The following RPS6KC1 variants were observed in gnomAD, a reference collection of about 807,000 sequenced individuals.
RPS6KC1 encodes inactive ribosomal protein S6 kinase delta-1.
Under a neutral mutation model 103.8 loss-of-function variants are expected in RPS6KC1, and 54 were observed. The ratio of observed to expected loss-of-function variants is 0.52; its 90% CI spans 0.42 to 0.65. RPS6KC1 has a LOEUF of 0.65. Among genes scored for constraint, RPS6KC1 ranks in the 30% least tolerant of loss-of-function variants. RPS6KC1 has a pLI of 0.00. For synonymous variants in RPS6KC1, 439 were observed against 438.7 expected (o/e 1.00, Z -0.01); for missense variants, 1,151 against 1,253.8 (o/e 0.92, Z 1.24).
chr1:213,540,766 A>G, the RPS6KC1 span, among the ~76,000 whole-genome samples: 8 of 152,268 alleles, frequency 5.3e-5, no homozygotes, highest in African/African-American at 1.7e-4. Context: ...CCACAGTAGA[A>G]CTTCTGTCAA....
chr1:213,669,921 T>C, the RPS6KC1 span, among the ~76,000 whole-genome samples: 1 of 152,168 alleles, frequency 6.6e-6, no homozygotes, highest in Non-Finnish European at 1.5e-5. Flanking sequence ...GGCCCTCCCC[T>C]GGAATGCCTG....
At chr1:213,186,840 C>T (rs1205359736) in intron 8 of RPS6KC1, among the ~76,000 whole-genome samples, 1 of 152,120 alleles carries the variant, frequency 6.6e-6, no homozygotes. Context: ...CTGCTTCATT[C>T]ATCTGCTTTG....
At chr1:213,679,693 A>G in the RPS6KC1 span, among the ~76,000 whole-genome samples, 1 of 152,230 alleles carries the variant, frequency 6.6e-6, no homozygotes, top group African/African-American at 2.4e-5. Flanking sequence ...TCAGGCTTGA[A>G]TCCAAGGCCT....
intron 7 of RPS6KC1, among the ~76,000 whole-genome samples, chr1:213,169,574 T>C (rs1359281397): frequency 1.3e-5 from 2 of 152,158 alleles, no homozygotes; most frequent in East Asian, 3.8e-4. Context: ...TTAAGTGGAA[T>C]ATTTATGTAA....
chr1:213,499,814 G>A, the RPS6KC1 span, among the ~76,000 whole-genome samples: 1 of 152,176 alleles, frequency 6.6e-6, no homozygotes, highest in African/African-American at 2.4e-5. Context: ...AAAAGTGTAG[G>A]CAGTTGTAAC....
At chr1:213,606,633 G>A in the RPS6KC1 span, among the ~76,000 whole-genome samples, 1 of 152,172 alleles carries the variant, frequency 6.6e-6, no homozygotes, top group Admixed American at 6.5e-5. Context: ...TAAGTTTCAA[G>A]GCAACGAGCC....
chr1:213,284,620 A>G, the RPS6KC1 span, among the ~76,000 whole-genome samples: 3 of 105,932 alleles, frequency 2.8e-5, no homozygotes, highest in Non-Finnish European at 5.7e-5. Context: ...TTGAAAAGAA[A>G]GTGCCAGATA....
the RPS6KC1 span, among the ~76,000 whole-genome samples, chr1:213,281,411 C>T: frequency 6.6e-6 from 1 of 152,248 alleles, no homozygotes; most frequent in African/African-American, 2.4e-5. Context: ...GGCCATGCCT[C>T]CACCTAATGT....
At chr1:213,444,744 C>CA in the RPS6KC1 span, among the ~76,000 whole-genome samples, 46,474 of 87,314 alleles carry the variant, frequency 0.53, 12,198 homozygotes, top group Admixed American at 0.6. Flanking sequence ...AACTCCAACT[C>CA]AAAAAAAAAA....
At chr1:213,173,591 T>G (rs2091646538) in intron 7 of RPS6KC1, among the ~76,000 whole-genome samples, 1 of 152,242 alleles carries the variant, frequency 6.6e-6, no homozygotes, top group African/African-American at 2.4e-5. Flanking sequence ...ATAGAATAAC[T>G]TTTTCCTAAT....
the RPS6KC1 span, among the ~76,000 whole-genome samples, chr1:213,524,298 G>A: frequency 1.3e-5 from 2 of 152,046 alleles, no homozygotes; most frequent in South Asian, 4.2e-4. Context: ...CACCCAGAAA[G>A]CAGAGGCCCT....
chr1:213,068,920 G>A (rs1050658882), intron 1 of RPS6KC1, among the ~76,000 whole-genome samples: 3 of 137,084 alleles, frequency 2.2e-5, no homozygotes, highest in East Asian at 5.2e-4. Flanking sequence ...TGTGTATGCC[G>A]ACTGTGGTGT....
At chr1:213,258,862 G>T (rs1202912361) in intron 12 of RPS6KC1, among the ~76,000 whole-genome samples, 1 of 152,200 alleles carries the variant, frequency 6.6e-6, no homozygotes, top group Non-Finnish European at 1.5e-5. Context: ...AAATGGGAAT[G>T]GGGGTGAGGG....
intron 2 of RPS6KC1, among the ~76,000 whole-genome samples, chr1:213,074,843 ATTTTTTTTTTTTTTT>A (rs752747801): frequency 2.8e-5 from 2 of 71,268 alleles, no homozygotes; most frequent in South Asian, 6.8e-4. Context: ...ACTAGAATAA[ATTTTTTTTTTTTTTT>A]TTTTTTTTTT....
chr1:213,716,219 C>T, the RPS6KC1 span, among the ~76,000 whole-genome samples: 4 of 152,068 alleles, frequency 2.6e-5, no homozygotes, highest in Non-Finnish European at 5.9e-5. Flanking sequence ...GAGGTGCCCA[C>T]AGGGAAGGCT....
intron 8 of RPS6KC1, among the ~76,000 whole-genome samples, chr1:213,198,795 C>G (rs2093047302): frequency 6.6e-6 from 1 of 152,054 alleles, no homozygotes; most frequent in Non-Finnish European, 1.5e-5. Context: ...TCTGCAATCT[C>G]TTCTAGAAGA....
the RPS6KC1 span, among the ~76,000 whole-genome samples, chr1:213,815,547 G>T: frequency 6.6e-6 from 1 of 152,162 alleles, no homozygotes; most frequent in South Asian, 2.1e-4. Flanking sequence ...TTAAAAATAG[G>T]AGTTCAATAT....
the RPS6KC1 span, among the ~76,000 whole-genome samples, chr1:213,543,408 G>A: frequency 6.6e-6 from 1 of 152,164 alleles, no homozygotes; most frequent in Admixed American, 6.5e-5. Flanking sequence ...GGCAGGATCT[G>A]CTAACAGACT....
chr1:213,543,754 T>C, the RPS6KC1 span, among the ~76,000 whole-genome samples: 1 of 152,236 alleles, frequency 6.6e-6, no homozygotes, highest in Non-Finnish European at 1.5e-5. Context: ...CTAGAATTTT[T>C]TGAGATTATT....
Sources: gnomAD v4.1 joint callset for allele counts (sites outside exome capture counted in the v4.1 genomes callset) on GRCh38, gnomAD v4.1.1 for gene constraint, MANE v1.5 for transcripts, NCBI Gene and HGNC (gene_info 2026-07-23, HGNC 2026-07-21) for gene names.